PTPRG: variants seen among roughly 807,000 people sequenced by gnomAD.
The protein encoded by PTPRG is protein tyrosine phosphatase receptor type G.
A neutral mutation model predicts 165.3 loss-of-function variants in PTPRG; 102 were observed. The observed-to-expected ratio is 0.62, with a 90% CI of 0.53 to 0.73. PTPRG has a LOEUF of 0.73. Ranked by LOEUF, PTPRG falls within the 30% of genes least tolerant of loss-of-function variation. The pLI is 0.00. For synonymous variants in PTPRG, 675 were observed against 669.5 expected (o/e 1.01, Z -0.13); for missense variants, 1,866 against 1,861.4 (o/e 1.00, Z -0.05).
intron 2 of PTPRG, among the ~76,000 whole-genome samples, chr3:61,907,857 G>A (rs948450913): frequency 3.9e-5 from 6 of 151,980 alleles, no homozygotes; most frequent in Non-Finnish European, 7.4e-5. Context: ...TGGATGCAGC[G>A]GCTCATACCT....
chr3:61,910,502 T>G (rs935898749), intron 2 of PTPRG, among the ~76,000 whole-genome samples: 2 of 152,176 alleles, frequency 1.3e-5, no homozygotes, highest in Non-Finnish European at 2.9e-5. Context: ...ATTTTACACC[T>G]TTAACCACTG....
intron 1 of PTPRG, among the ~76,000 whole-genome samples, chr3:61,745,691 G>A (rs1336762613): frequency 6.6e-6 from 1 of 152,164 alleles, no homozygotes; most frequent in Non-Finnish European, 1.5e-5. Flanking sequence ...CAGTCCTGTT[G>A]CTCAAGTCCA....
At chr3:62,070,944 A>G (rs573562359) in intron 4 of PTPRG, among the ~76,000 whole-genome samples, 1,581 of 151,966 alleles carry the variant, frequency 0.01, 19 homozygotes, top group Middle Eastern at 0.048. Flanking sequence ...ATTAAAAAAA[A>G]AAAGAAAAAA....
At chr3:61,620,065 T>TA (rs1313093886) in intron 1 of PTPRG, among the ~76,000 whole-genome samples, 1 of 152,120 alleles carries the variant, frequency 6.6e-6, no homozygotes, top group Non-Finnish European at 1.5e-5. Context: ...TTCAGAAAAT[T>TA]AAGAGACAAG....
intron 4 of PTPRG, among the ~76,000 whole-genome samples, chr3:62,046,525 C>A (rs1700298242): frequency 6.6e-6 from 1 of 152,162 alleles, no homozygotes; most frequent in Non-Finnish European, 1.5e-5. Flanking sequence ...GCTTCTTAAT[C>A]CTTCTCAAAG....
chr3:62,192,660 C>T (rs543782225), intron 9 of PTPRG, among the ~76,000 whole-genome samples: 6 of 152,166 alleles, frequency 3.9e-5, no homozygotes, highest in African/African-American at 1.2e-4. Flanking sequence ...ATCCGCCCAC[C>T]TCGGCCTCCC....
Position 62,255,224 on chromosome 3 carries a change from CAAGGCTGGAAGTT to C in PTPRG, c.2559+12_2559+24del. On this transcript the variant is annotated intron_variant, in intron 16 of 29. Transcript: ENST00000474889. This position sits in a 1 kb window ranked among gnomAD's most constrained non-coding sequence, Gnocchi z 4.0. ...TCTCTGAGGATTTTGAGGTATGTTT[CAAGGCTGGAAGTT>C]AACTTCCAGAAACCTAAGTCTTACT... is the stretch of plus-strand genomic sequence containing the variant. 1 of 1,602,966 alleles carries C rather than the reference CAAGGCTGGAAGTT, an allele frequency of 6.2e-7. No individual in the cohort carries two copies. Among genetic ancestry groups the C allele is most frequent in the Non-Finnish European group, 8.5e-7 (1 of 1,172,802 alleles).
chr3:62,050,535 A>G (rs1330014362), intron 4 of PTPRG, among the ~76,000 whole-genome samples: 2 of 152,364 alleles, frequency 1.3e-5, no homozygotes, highest in South Asian at 2.1e-4. Context: ...TCTAGATTTG[A>G]AAGTTGCTTG....
chr3:61,873,702 TCTG>T (rs958431235), intron 2 of PTPRG, among the ~76,000 whole-genome samples: 10 of 152,212 alleles, frequency 6.6e-5, no homozygotes, highest in African/African-American at 2.2e-4. Context: ...CACTGTATTC[TCTG>T]CTTATTTTTT....
At chr3:62,158,485 T>G (rs191073112) in intron 7 of PTPRG, among the ~76,000 whole-genome samples, 108 of 152,312 alleles carry the variant, frequency 7.1e-4, no homozygotes, top group African/African-American at 2.5e-3. Flanking sequence ...CTGGGTCTTA[T>G]GTCAAGTATT....
rs1553662684 is a variant in PTPRG at position 62,265,896 on chromosome 3, T to TATACACACACAC, written c.2657-1513_2657-1512insTACACACACACA. On this transcript the variant is annotated intron_variant, in intron 17 of 29. Coordinates refer to ENST00000474889, the MANE Select transcript of PTPRG (RefSeq NM_002841.4). ...CACACGTATACATCTGTGCCTTATA[T>TATACACACACAC]ACACACACACACACACACACACACA... 1.5e-3 allele frequency among the ~76,000 whole-genome samples: 202 copies of TATACACACACAC among 130,612 alleles called. 1 individual carries two copies. The highest frequency in any genetic ancestry group is 4.4e-3 in the African/African-American group (150 of 34,442). 85.7% of individuals were successfully genotyped at this position (130,612 alleles called of 152,430 possible). A position where few individuals can be genotyped will look rare whatever the true frequency, so the allele number is the denominator to read the frequency against.
At chr3:61,881,216 G>T (rs2037880954) in intron 2 of PTPRG, among the ~76,000 whole-genome samples, 2 of 152,142 alleles carry the variant, frequency 1.3e-5, no homozygotes. Context: ...CCGATAGATT[G>T]TAAGTCTGTG....
At chr3:61,563,799 G>T (rs1699832447) in intron 1 of PTPRG, among the ~76,000 whole-genome samples, 1 of 108,554 alleles carries the variant, frequency 9.2e-6, no homozygotes, top group Admixed American at 9.9e-5. Context: ...GGGAGCCCTC[G>T]TCGCCCTTGG....
At chr3:62,272,567 G>A (rs916666970) in intron 21 of PTPRG, among the ~76,000 whole-genome samples, 1 of 152,152 alleles carries the variant, frequency 6.6e-6, no homozygotes, top group Non-Finnish European at 1.5e-5. Context: ...GTTTAGGCTG[G>A]GAGTGGTGGC....
chr3:62,081,459 A>C (rs1357759704), intron 5 of PTPRG, among the ~76,000 whole-genome samples: 5 of 151,936 alleles, frequency 3.3e-5, no homozygotes, highest in Non-Finnish European at 7.4e-5. Flanking sequence ...TCCTCCTGCA[A>C]CAGCCTCCTG....
At chr3:62,111,920 C>G (rs562850765) in intron 5 of PTPRG, among the ~76,000 whole-genome samples, 23 of 152,186 alleles carry the variant, frequency 1.5e-4, no homozygotes, top group Admixed American at 1.1e-3. Flanking sequence ...ATCTGTAGGA[C>G]TTAAAAAATT....
At chr3:61,677,118 G>A (rs1413999959) in intron 1 of PTPRG, among the ~76,000 whole-genome samples, 18 of 152,008 alleles carry the variant, frequency 1.2e-4, no homozygotes, top group Admixed American at 6.5e-4. Context: ...GGTGGCGGGC[G>A]CCTGTAGTCC....
intron 8 of PTPRG, among the ~76,000 whole-genome samples, chr3:62,172,881 C>T (rs1508403): frequency 0.086 from 13,026 of 152,224 alleles, 754 homozygotes; most frequent in Non-Finnish European, 0.12. Context: ...ATGCATTCAT[C>T]GGGCTGTTGT....
chr3:61,860,177 A>G (rs2037221999), intron 2 of PTPRG, among the ~76,000 whole-genome samples: 1 of 152,176 alleles, frequency 6.6e-6, no homozygotes, highest in Non-Finnish European at 1.5e-5. Flanking sequence ...GTAATTCCTC[A>G]GGGTTGGATA....
Sources: gnomAD v4.1 joint callset for allele counts (sites outside exome capture counted in the v4.1 genomes callset) on GRCh38, gnomAD v4.1.1 for gene constraint, Gnocchi (gnomAD v3.1) non-coding constraint, MANE v1.5 for transcripts, NCBI Gene and HGNC (gene_info 2026-07-23, HGNC 2026-07-21) for gene names.